GABBR2: variants seen among roughly 807,000 people sequenced by gnomAD.
The protein encoded by GABBR2 is gamma-aminobutyric acid type B receptor subunit 2.
Under a neutral mutation model 105.6 loss-of-function variants are expected in GABBR2, and 23 were observed. That is an observed-to-expected ratio of 0.22 (90% CI 0.16 to 0.31). GABBR2 has a LOEUF of 0.31. Among genes scored for constraint, GABBR2 ranks in the 10% least tolerant of loss-of-function variants. The pLI, the probability that GABBR2 is intolerant of heterozygous loss-of-function variation, is 1.00. For missense variants in GABBR2, 734 were observed against 1,245.5 expected (o/e 0.59, Z 6.18); for synonymous variants, 478 against 499.7 (o/e 0.96, Z 0.58).
chr9:98,345,474 TAAGAA>T (rs1002886995), intron 13 of GABBR2, among the ~76,000 whole-genome samples: 2 of 152,228 alleles, frequency 1.3e-5, no homozygotes, highest in African/African-American at 4.8e-5. Flanking sequence ...TTTAACTTTT[TAAGAA>T]AAGAAAAGAT....
chr9:98,482,974 C>T (rs1338221008), intron 4 of GABBR2, among the ~76,000 whole-genome samples: 3 of 152,060 alleles, frequency 2.0e-5, no homozygotes, highest in African/African-American at 4.8e-5. Flanking sequence ...TAGTTCATGA[C>T]CCCAGCCACA....
intron 1 of GABBR2, among the ~76,000 whole-genome samples, chr9:98,629,093 A>G (rs1354513489): frequency 6.6e-6 from 1 of 152,230 alleles, no homozygotes; most frequent in African/African-American, 2.4e-5. Context: ...GAAAGGGATC[A>G]TTCTGACACA....
chr9:98,644,426 G>A (rs1363309015), intron 1 of GABBR2, among the ~76,000 whole-genome samples: 3 of 152,234 alleles, frequency 2.0e-5, no homozygotes, highest in Non-Finnish European at 4.4e-5. Context: ...GAATTTGCCA[G>A]CATGTTAACC....
chr9:98,464,156 T>C (rs1014555216), intron 6 of GABBR2, among the ~76,000 whole-genome samples: 104 of 151,172 alleles, frequency 6.9e-4, no homozygotes, highest in African/African-American at 2.5e-3. Context: ...GAGGAGCGCC[T>C]CTGCCCGGCC....
chr9:98,558,447 T>A (rs561442188), intron 2 of GABBR2, among the ~76,000 whole-genome samples: 1 of 152,334 alleles, frequency 6.6e-6, no homozygotes, highest in South Asian at 2.1e-4. Flanking sequence ...AATAATACCA[T>A]GGGTGCCATT....
chr9:98,303,339 T>C lies in GABBR2; in HGVS notation c.2314A>G (p.Lys772Glu). The C allele has an allele frequency of 6.2e-7, 1 of 1,614,050 alleles. No individual in the cohort carries two copies. The highest frequency in any genetic ancestry group is 8.5e-7 in the Non-Finnish European group (1 of 1,179,856). The change falls in exon 16 of 19, where the codon AAA becomes GAA. Residue 772 changes from lysine (K) to glutamate (E), a missense_variant. Physicochemically the swap from Lys to Glu is moderately conservative, Grantham distance 56. Coordinates refer to ENST00000259455, the MANE Select transcript of GABBR2 (RefSeq NM_005458.8). ...ACACTGGTGACCGAGGTGGACGTTTTAGAATCTTCTTTCTTCTGATTCTGA... is the reference window on the plus strand; with the variant it reads ...ACACTGGTGACCGAGGTGGACGTTTCAGAATCTTCTTTCTTCTGATTCTGA... Reference protein sequence around the residue: ...FTQNQKKEDSKTSTSVTSVNQ... With the variant: ...FTQNQKKEDSETSTSVTSVNQ...
chr9:98,414,980 GAT>G (rs1419251108), intron 7 of GABBR2, among the ~76,000 whole-genome samples: 2 of 152,120 alleles, frequency 1.3e-5, no homozygotes, highest in African/African-American at 4.8e-5. Context: ...TTATATAAGA[GAT>G]AAATAAAATT....
chr9:98,310,085 G>A (rs1035100122), intron 14 of GABBR2, among the ~76,000 whole-genome samples: 29 of 152,172 alleles, frequency 1.9e-4, no homozygotes, highest in Admixed American at 4.6e-4. Flanking sequence ...TGAGGAGGGC[G>A]CAGTGACCAG....
intron 1 of GABBR2, among the ~76,000 whole-genome samples, chr9:98,692,195 C>T (rs1564153108): frequency 6.6e-6 from 1 of 152,104 alleles, no homozygotes; most frequent in Non-Finnish European, 1.5e-5. Context: ...TGTGAGCTCC[C>T]TAAGGGCAGA....
chr9:98,485,297 A>G (rs1827020383), intron 4 of GABBR2, among the ~76,000 whole-genome samples: 1 of 152,146 alleles, frequency 6.6e-6, no homozygotes, highest in South Asian at 2.1e-4. Context: ...TGGGGTAGGA[A>G]AATGGGGAGG....
chr9:98,352,657 G>T (rs970569183), intron 13 of GABBR2, among the ~76,000 whole-genome samples: 9 of 152,094 alleles, frequency 5.9e-5, no homozygotes, highest in Non-Finnish European at 4.4e-5. Context: ...GGTGCATGAG[G>T]GTCCTGCTGC....
intron 7 of GABBR2, among the ~76,000 whole-genome samples, chr9:98,428,586 A>G (rs1210220282): frequency 1.3e-5 from 2 of 152,210 alleles, no homozygotes; most frequent in Non-Finnish European, 2.9e-5. Flanking sequence ...TCAGCCTTGA[A>G]GTTCTGTGAA....
rs1826280852 is a variant in GABBR2 at position 98,454,020 on chromosome 9, G to A, written c.1197C>T (p.Ile399=). The A allele has an allele frequency of 6.2e-7, 1 of 1,614,052 alleles. No homozygotes were observed. Among genetic ancestry groups the A allele is most frequent in the Admixed American group, 1.7e-5 (1 of 60,008 alleles). ...AGTTGGTCTCGTTCATGGCATTGAG[G>A]ATGATCCTGCCCAGCGTGTGGTCCG... ...NYTDHTLGRI[I]LNAMNETNFF... is the part of the protein sequence containing the mutation. The change falls in exon 7 of 19, where the codon ATC becomes ATT. Residue 399 remains isoleucine, a synonymous_variant. Transcript: ENST00000259455. The surrounding 1 kb of genome is among the most constrained non-coding windows in gnomAD (Gnocchi z 4.6).
intron 3 of GABBR2, among the ~76,000 whole-genome samples, chr9:98,515,186 C>T (rs907851099): frequency 7.2e-5 from 11 of 152,126 alleles, no homozygotes; most frequent in South Asian, 4.2e-4. Flanking sequence ...GAGGGGCAGA[C>T]GAGACTGCTG....
intron 4 of GABBR2, among the ~76,000 whole-genome samples, chr9:98,494,738 T>A (rs10125760): frequency 0.48 from 72,554 of 152,062 alleles, 19,156 homozygotes; most frequent in Non-Finnish European, 0.61. Context: ...CTGTGGTCAA[T>A]GCACTGGAAA....
At chr9:98,594,974 G>C (rs920484172) in intron 1 of GABBR2, among the ~76,000 whole-genome samples, 1 of 152,180 alleles carries the variant, frequency 6.6e-6, no homozygotes, top group African/African-American at 2.4e-5. Context: ...GTCAGAGCCC[G>C]GTTCTCAGGG....
intron 12 of GABBR2, among the ~76,000 whole-genome samples, chr9:98,366,203 C>A (rs1336177900): frequency 9.2e-5 from 14 of 152,178 alleles, no homozygotes; most frequent in Non-Finnish European, 1.6e-4. Context: ...CTTACAATAA[C>A]TGTTCAACAG....
chr9:98,560,091 G>A (rs1390138149), intron 2 of GABBR2, among the ~76,000 whole-genome samples: 1 of 151,896 alleles, frequency 6.6e-6, no homozygotes, highest in Non-Finnish European at 1.5e-5. Context: ...GGATGGCATG[G>A]AACAGAATGG....
At chr9:98,337,091 G>T (rs538507351) in intron 13 of GABBR2, among the ~76,000 whole-genome samples, 23 of 152,048 alleles carry the variant, frequency 1.5e-4, no homozygotes, top group African/African-American at 4.8e-4. Context: ...GATTACCTGA[G>T]GTCAGGAGTT....
Sources: allele counts gnomAD v4.1 joint callset (sites outside exome capture counted in the v4.1 genomes callset), GRCh38; gene constraint gnomAD v4.1.1; non-coding constraint Gnocchi (gnomAD v3.1); transcripts MANE v1.5; gene names NCBI Gene and HGNC (gene_info 2026-07-23, HGNC 2026-07-21).